Variants in SLC25A26 observed in about 807,000 individuals in gnomAD.
The protein encoded by SLC25A26 is solute carrier family 25 member 26, also known as mitochondrial S-adenosylmethionine carrier protein.
Under a neutral mutation model 37.8 loss-of-function variants are expected in SLC25A26, and 36 were observed. The ratio of observed to expected loss-of-function variants is 0.95; its 90% confidence interval spans 0.73 to 1.26. SLC25A26 has a LOEUF of 1.26. SLC25A26 is among the 50% of genes most tolerant of loss of function. The pLI is 0.00. For missense variants in SLC25A26, 390 were observed against 331.1 expected, an observed-to-expected ratio of 1.18 and a Z score of -1.38; for synonymous variants, 129 against 122.5, an observed-to-expected ratio of 1.05 and a Z score of -0.35.
intron 1 of SLC25A26, among the ~76,000 whole-genome samples, chr3:66,188,297 T>C (rs2070869442): frequency 6.6e-6 from 1 of 152,150 alleles, no homozygotes; most frequent in East Asian, 1.9e-4. Flanking sequence ...CTGACTACAA[T>C]GATTTGAAAG....
intron 2 of SLC25A26, among the ~76,000 whole-genome samples, chr3:66,242,887 A>G (rs1040665619): frequency 3.9e-5 from 6 of 152,210 alleles, no homozygotes; most frequent in Admixed American, 3.9e-4. Flanking sequence ...ACAGAAATTC[A>G]TATCCTTTTC....
intron 3 of SLC25A26, among the ~76,000 whole-genome samples, chr3:66,257,746 T>G (rs1421628171): frequency 2.0e-5 from 3 of 152,204 alleles, no homozygotes; most frequent in Admixed American, 2.0e-4. Flanking sequence ...GTGGCCCTCT[T>G]AACTCTGAAT....
intron 7 of SLC25A26, among the ~76,000 whole-genome samples, chr3:66,366,685 T>C (rs979065237): frequency 6.6e-6 from 1 of 152,262 alleles, no homozygotes; most frequent in Non-Finnish European, 1.5e-5. Flanking sequence ...AGATGTTCCT[T>C]ATCAACCTTT....
intron 3 of SLC25A26, among the ~76,000 whole-genome samples, chr3:66,255,279 TG>T (rs2073254893): frequency 6.6e-6 from 1 of 152,200 alleles, no homozygotes; most frequent in Non-Finnish European, 1.5e-5. Flanking sequence ...TGGTTCTTGG[TG>T]TTTCATTTAA....
chr3:66,294,768 A>G (rs2074839763), intron 5 of SLC25A26, among the ~76,000 whole-genome samples: 1 of 152,212 alleles, frequency 6.6e-6, no homozygotes, highest in East Asian at 1.9e-4. Flanking sequence ...CTATGTAGTA[A>G]CCTATTTACT....
In SLC25A26 at chr3:66,185,802, TTGACCA is replaced by T. The variant is rs1252238038; in HGVS notation, c.-353-34935_-353-34930del. On this transcript the variant is annotated intron_variant, in intron 1 of 10. Coordinates refer to the SLC25A26 transcript ENST00000676754. ...CATTCACCCTGACTCTCACCTCTCT[TTGACCA>T]TGACTTAGACCCTGAAATTAACCCC... Among the ~76,000 whole-genome samples, 830 of 152,072 alleles carry T rather than the reference TTGACCA, an allele frequency of 5.5e-3. 12 individuals are homozygous for T. The highest frequency in any genetic ancestry group is 0.019 in the African/African-American group (795 of 41,488).
intron 9 of SLC25A26, among the ~76,000 whole-genome samples, chr3:66,374,673 C>T (rs977743705): frequency 1.3e-5 from 2 of 152,114 alleles, no homozygotes; most frequent in African/African-American, 2.4e-5. Flanking sequence ...GGCTTGAGCC[C>T]AAGAGTTCAA....
intron 5 of SLC25A26, among the ~76,000 whole-genome samples, chr3:66,295,316 C>T (rs186713): frequency 0.21 from 31,501 of 151,874 alleles, 3,693 homozygotes; most frequent in Non-Finnish European, 0.26. Context: ...CTCTGCCTCC[C>T]GGGTTCAAGC....
At chr3:66,310,480 G>A (rs566497022) in intron 5 of SLC25A26, among the ~76,000 whole-genome samples, 290 of 152,278 alleles carry the variant, frequency 1.9e-3, no homozygotes, top group Non-Finnish European at 3.3e-3. Flanking sequence ...TTTAACTGGG[G>A]CATCTAGCCC....
intron 5 of SLC25A26, among the ~76,000 whole-genome samples, chr3:66,273,599 T>C (rs1038225127): frequency 4.6e-5 from 7 of 152,266 alleles, no homozygotes; most frequent in African/African-American, 1.7e-4. Flanking sequence ...AGCATTCTTA[T>C]ACACCAATAA....
At chr3:66,278,588 A>T (rs1396782446) in intron 5 of SLC25A26, among the ~76,000 whole-genome samples, 4 of 152,180 alleles carry the variant, frequency 2.6e-5, no homozygotes, top group Non-Finnish European at 4.4e-5. Flanking sequence ...GATTAAGCTC[A>T]CATTATGTTC....
At chr3:66,169,947 C>T (rs911623808) in intron 1 of SLC25A26, among the ~76,000 whole-genome samples, 2 of 152,162 alleles carry the variant, frequency 1.3e-5, no homozygotes, top group African/African-American at 4.8e-5. Context: ...TAATTTTCCT[C>T]ATACTTCCAG....
At chr3:66,312,363 C>A (rs2107607219) in intron 5 of SLC25A26, among the ~76,000 whole-genome samples, 1 of 152,282 alleles carries the variant, frequency 6.6e-6, no homozygotes, top group East Asian at 1.9e-4. Context: ...AGGTCGACTT[C>A]AGAATGCTTT....
intron 5 of SLC25A26, among the ~76,000 whole-genome samples, chr3:66,296,235 T>C (rs957787890): frequency 6.6e-6 from 1 of 152,210 alleles, no homozygotes; most frequent in African/African-American, 2.4e-5. Flanking sequence ...AAGAAGCATG[T>C]GGACAGGGAT....
chr3:66,287,818 C>G (rs1454856117), intron 5 of SLC25A26, among the ~76,000 whole-genome samples: 3 of 152,130 alleles, frequency 2.0e-5, no homozygotes, highest in Non-Finnish European at 2.9e-5. Flanking sequence ...TTATTTGCTT[C>G]TTATTGTAGC....
chr3:66,286,816 C>G (rs2074528002), intron 5 of SLC25A26, among the ~76,000 whole-genome samples: 1 of 152,130 alleles, frequency 6.6e-6, no homozygotes, highest in Non-Finnish European at 1.5e-5. Context: ...GTGTGCACCA[C>G]CATGCCCTGC....
chr3:66,138,408 T>G (rs2069981220), intron 1 of SLC25A26, among the ~76,000 whole-genome samples: 1 of 152,150 alleles, frequency 6.6e-6, no homozygotes. Context: ...ATTAAAAATA[T>G]TATACACTTG....
intron 3 of SLC25A26, among the ~76,000 whole-genome samples, chr3:66,255,002 G>C (rs2073244490): frequency 6.6e-6 from 1 of 152,212 alleles, no homozygotes; most frequent in African/African-American, 2.4e-5. Context: ...AAGGGAACTT[G>C]GCTGTGGCAA....
intron 5 of SLC25A26, among the ~76,000 whole-genome samples, chr3:66,334,574 C>G (rs1232212555): frequency 1.3e-5 from 2 of 152,124 alleles, no homozygotes; most frequent in African/African-American, 4.8e-5. Flanking sequence ...CCTCAGCCTC[C>G]CAAAGTGCTA....
Sources: allele counts gnomAD v4.1 joint callset (sites outside exome capture counted in the v4.1 genomes callset), GRCh38; gene constraint gnomAD v4.1.1; transcripts MANE v1.5; gene names NCBI Gene and HGNC (gene_info 2026-07-23, HGNC 2026-07-21).